The following ABCG1 variants were observed in gnomAD, a reference collection of about 807,000 sequenced individuals.
The protein encoded by ABCG1 is ATP-binding cassette sub-family G member 1.
A neutral mutation model predicts 69.2 loss-of-function variants in ABCG1; 29 were observed. The observed-to-expected ratio is 0.42, with a 90% CI of 0.31 to 0.57. The LOEUF (loss-of-function observed/expected upper bound fraction) is 0.57, where lower values mean the gene tolerates loss of function less well. Among genes scored for constraint, ABCG1 ranks in the 20% least tolerant of loss-of-function variants. The pLI is 0.15. For missense variants in ABCG1, 718 were observed against 898.1 expected (o/e 0.80, Z 2.56); for synonymous variants, 370 against 374.8 (o/e 0.99, Z 0.15).
chr21:42,218,938 G>A (rs2067674080), upstream of ABCG1, among the ~76,000 whole-genome samples: 2 of 152,176 alleles, frequency 1.3e-5, no homozygotes, highest in South Asian at 4.1e-4. Context: ...GGGGTGGCAG[G>A]GGGTTCCCAT....
Position 42,291,195 on chromosome 21 carries a change from G to T in ABCG1, c.1494+3G>T. The T allele has an allele frequency of 6.2e-7, 1 of 1,610,494 alleles. No individual in the cohort carries two copies. The highest frequency in any genetic ancestry group is 8.5e-7 in the Non-Finnish European group (1 of 1,177,320). ...CCATGGCAGACGTGCCCTTTCAGGT[G>T]TGTTAGCCAGGGGCTGGAATTTGAA... On this transcript the variant is annotated splice_donor_region_variant and intron_variant, in intron 12 of 14. Coordinates refer to ENST00000398449, the MANE Select transcript of ABCG1 (RefSeq NM_016818.3). The surrounding 1 kb of genome is among the most constrained non-coding windows in gnomAD (Gnocchi z 6.4).
rs1383681472 is a variant in ABCG1 at position 42,260,148 on chromosome 21, G to A, written c.287-10922G>A. ...CGATCCCATGGAGGAAGGTGAGGAT[G>A]AGTTGTGTTGCTTCTCGGGTGAAGC... On this transcript the variant is annotated intron_variant, in intron 2 of 14. Transcript: ENST00000398449. The A allele has an allele frequency of 2.6e-6, 4 of 1,550,634 alleles. No individual in the cohort carries two copies. The South Asian group carries it at 3.6e-5, about 14-fold the overall frequency.
intron 2 of ABCG1, among the ~76,000 whole-genome samples, chr21:42,270,001 C>T (rs1398554697): frequency 6.6e-6 from 1 of 150,646 alleles, no homozygotes; most frequent in Non-Finnish European, 1.5e-5. Context: ...CGCGGTGGCT[C>T]ACGCCTGTAA....
chr21:42,228,795 G>C (rs962479175), intron 2 of ABCG1, among the ~76,000 whole-genome samples: 9 of 152,240 alleles, frequency 5.9e-5, no homozygotes, highest in Non-Finnish European at 1.3e-4. Flanking sequence ...AAGGGTGCTA[G>C]CTGCAGAAGC....
intron 2 of ABCG1, among the ~76,000 whole-genome samples, chr21:42,210,784 C>A (rs2067580949): frequency 6.6e-6 from 1 of 152,086 alleles, no homozygotes; most frequent in South Asian, 2.1e-4. Flanking sequence ...TTTGCACTGA[C>A]CTCCCACAGG....
At chr21:42,233,968 T>A (rs2067938441) in intron 2 of ABCG1, among the ~76,000 whole-genome samples, 1 of 152,048 alleles carries the variant, frequency 6.6e-6, no homozygotes, top group Non-Finnish European at 1.5e-5. Flanking sequence ...TTGGCAGGAG[T>A]TTTTATGGGA....
chr21:42,201,391 G>A (rs1253983067), intron 1 of ABCG1, among the ~76,000 whole-genome samples: 4 of 152,072 alleles, frequency 2.6e-5, no homozygotes, highest in African/African-American at 9.7e-5. Flanking sequence ...TCTGACAGGA[G>A]GGAGAGCTCA....
intron 2 of ABCG1, among the ~76,000 whole-genome samples, chr21:42,264,374 CATCT>C (rs1409392113): frequency 1.2e-4 from 19 of 152,326 alleles, no homozygotes; most frequent in South Asian, 6.2e-4. Context: ...TTCATCCATC[CATCT>C]GTCTGTCCCT....
At chr21:42,275,358 G>A (rs1184886438) in intron 4 of ABCG1, among the ~76,000 whole-genome samples, 1 of 152,188 alleles carries the variant, frequency 6.6e-6, no homozygotes, top group Admixed American at 6.5e-5. Context: ...AGCCCTGACT[G>A]CTGATCTGGC....
chr21:42,259,997 G>C lies in ABCG1; in HGVS notation c.287-11073G>C, dbSNP rs8131089. Reference sequence around the variant, plus strand: ...CCTCCTGGTTTCTTCAGGCCAGTGCGGCATCCTGCACGTGGTCAGTCCAAG... The same window carrying C: ...CCTCCTGGTTTCTTCAGGCCAGTGCCGCATCCTGCACGTGGTCAGTCCAAG... On this transcript the variant is annotated intron_variant, in intron 2 of 14. Transcript: ENST00000398449. 4.7e-6 allele frequency: 7 copies of C among 1,480,772 alleles called. No homozygotes were observed. In the East Asian group the frequency reaches 1.5e-4, roughly 31 times the overall value. The allele number at this position is 1,480,772 out of a possible 1,614,324, so 91.7% of individuals were successfully genotyped here. A position where few individuals can be genotyped will look rare whatever the true frequency, so the allele number is the denominator to read the frequency against.
intron 2 of ABCG1, among the ~76,000 whole-genome samples, chr21:42,244,242 G>C (rs2068099788): frequency 6.6e-6 from 1 of 152,168 alleles, no homozygotes; most frequent in African/African-American, 2.4e-5. Flanking sequence ...GGCATCCTAG[G>C]AGTGGACATG....
At chr21:42,216,210 C>G (rs1157085316), upstream of ABCG1, 5 of 441,492 alleles carry the variant, frequency 1.1e-5, no homozygotes, top group African/African-American at 1.0e-4. Flanking sequence ...AAATCTCTTT[C>G]CTTTGTAAAT....
chr21:42,291,074 T>C lies in ABCG1; in HGVS notation c.1394-18T>C. On this transcript the variant is annotated intron_variant, in intron 11 of 14. Coordinates refer to ENST00000398449, the MANE Select transcript of ABCG1 (RefSeq NM_016818.3). This position sits in a 1 kb window ranked among gnomAD's most constrained non-coding sequence, Gnocchi z 6.4. ...CACATGGTCACTGACCCTTCTTTTT[T>C]GCTTTTCTATCTCCTAGTTCCCCTG... The C allele has an allele frequency of 6.3e-7, 1 of 1,598,230 alleles. No homozygotes were observed. Among genetic ancestry groups the C allele is most frequent in the Non-Finnish European group, 8.6e-7 (1 of 1,165,786 alleles).
chr21:42,219,912 C>T lies in ABCG1; in HGVS notation c.42+608C>T. 6.5e-7 allele frequency: 1 copy of T among 1,549,508 alleles called. No individual in the cohort carries two copies. Among genetic ancestry groups the T allele is most frequent in the South Asian group, 1.2e-5 (1 of 84,014 alleles). ...CGGGGAGACCCGCGAGGGGCAAGCC[C>T]GGATTCCTGCCGGCCGCCTTTCTGC... On this transcript the variant is annotated intron_variant, in intron 1 of 14. Transcript: ENST00000398449. This position sits in a 1 kb window ranked among gnomAD's most constrained non-coding sequence, Gnocchi z 5.3.
At chr21:42,210,376 G>A (rs976266606) in intron 2 of ABCG1, among the ~76,000 whole-genome samples, 5 of 152,142 alleles carry the variant, frequency 3.3e-5, no homozygotes, top group Admixed American at 3.3e-4. Context: ...GCAGGTATTT[G>A]TTATGGGTGT....
intron 1 of ABCG1, among the ~76,000 whole-genome samples, chr21:42,201,372 C>T (rs76258855): frequency 0.081 from 12,276 of 152,128 alleles, 616 homozygotes; most frequent in East Asian, 0.22. Flanking sequence ...AGTCTAATGC[C>T]GCCACTGATC....
chr21:42,273,163 C>A lies in ABCG1; in HGVS notation c.405-140C>A. ...AGCGAGGTCCGGTCCCTTTCTGCCCCTCGGGGTCCCCGTGGCCAGTGGTTC... is the reference window on the plus strand; with the variant it reads ...AGCGAGGTCCGGTCCCTTTCTGCCCATCGGGGTCCCCGTGGCCAGTGGTTC... On this transcript the variant is annotated intron_variant, in intron 3 of 14. Coordinates refer to ENST00000398449, the MANE Select transcript of ABCG1 (RefSeq NM_016818.3). This position sits in a 1 kb window ranked among gnomAD's most constrained non-coding sequence, Gnocchi z 5.3. 8.4e-7 allele frequency: 1 copy of A among 1,193,664 alleles called. No homozygotes were observed. The highest frequency in any genetic ancestry group is 1.2e-6 in the Non-Finnish European group (1 of 857,472). The allele number at this position is 1,193,664 out of a possible 1,614,324, so 73.9% of individuals were successfully genotyped here.
At chr21:42,258,045 C>CTGT (rs1478350373) in intron 2 of ABCG1, among the ~76,000 whole-genome samples, 675 of 48,860 alleles carry the variant, frequency 0.014, 13 homozygotes, top group Admixed American at 0.018. Flanking sequence ...CATCCCTCCA[C>CTGT]TCATCCCTCA....
At chr21:42,281,049 C>T (rs1417105062) in intron 5 of ABCG1, among the ~76,000 whole-genome samples, 2 of 152,256 alleles carry the variant, frequency 1.3e-5, no homozygotes, top group Non-Finnish European at 2.9e-5. Flanking sequence ...GGTCGGCTGA[C>T]CCTGTACTGC....
Sources: allele counts gnomAD v4.1 joint callset (sites outside exome capture counted in the v4.1 genomes callset), GRCh38; gene constraint gnomAD v4.1.1; non-coding constraint Gnocchi (gnomAD v3.1); transcripts MANE v1.5; gene names NCBI Gene and HGNC (gene_info 2026-07-23, HGNC 2026-07-21).